BRINP1: variants seen among roughly 807,000 people sequenced by gnomAD.
BRINP1 encodes BMP/retinoic acid-inducible neural-specific protein 1.
BRINP1 carries 17 observed loss-of-function variants against 72.9 expected under a neutral mutation model. The observed-to-expected ratio is 0.23, with a 90% CI of 0.16 to 0.35. The LOEUF is 0.35. Among genes scored for constraint, BRINP1 ranks in the 10% least tolerant of loss-of-function variants. The probability of loss-of-function intolerance (pLI) is 1.00; values close to 1 mark genes in which losing one functional copy is unlikely to be tolerated. For missense variants in BRINP1, 850 were observed against 1,001.6 expected (o/e 0.85, Z 2.04); for synonymous variants, 418 against 378.5 (o/e 1.10, Z -1.21).
chr9:119,183,907 G>A (rs914420232), intron 7 of BRINP1, among the ~76,000 whole-genome samples: 15 of 152,110 alleles, frequency 9.9e-5, no homozygotes, highest in African/African-American at 3.1e-4. Flanking sequence ...TCACCCATGC[G>A]TGAGTTTGTT....
chr9:119,279,948 G>A (rs905903914), intron 2 of BRINP1, among the ~76,000 whole-genome samples: 3 of 151,888 alleles, frequency 2.0e-5, no homozygotes, highest in Non-Finnish European at 2.9e-5. Flanking sequence ...AACCTCCTGG[G>A]AATCTATCCT....
chr9:119,344,837 G>A (rs541957974), intron 1 of BRINP1, among the ~76,000 whole-genome samples: 1 of 152,158 alleles, frequency 6.6e-6, no homozygotes, highest in East Asian at 1.9e-4. Flanking sequence ...TTTTAACGTA[G>A]CCCCTGCAGT....
intron 5 of BRINP1, among the ~76,000 whole-genome samples, chr9:119,218,862 C>T (rs1224866854): frequency 5.3e-5 from 8 of 151,096 alleles, no homozygotes; most frequent in African/African-American, 1.2e-4. Flanking sequence ...TGCATGTTTG[C>T]GCTCCCTGTC....
chr9:119,175,119 T>TAAA (rs35857917), intron 7 of BRINP1, among the ~76,000 whole-genome samples: 1 of 62,672 alleles, frequency 1.6e-5, no homozygotes, highest in Non-Finnish European at 3.7e-5. Context: ...AAGTAAAGTA[T>TAAA]AAAAAAAAAA....
intron 4 of BRINP1, among the ~76,000 whole-genome samples, chr9:119,240,891 T>G (rs116818209): frequency 2.0e-5 from 3 of 152,312 alleles, no homozygotes; most frequent in African/African-American, 7.2e-5. Context: ...GCATTTTCTT[T>G]AGAAGAAATT....
chr9:119,205,469 G>A lies in BRINP1; in HGVS notation c.1145+3250C>T, dbSNP rs565665705. On this transcript the variant is annotated intron_variant, in intron 7 of 7. Coordinates refer to ENST00000265922, the MANE Select transcript of BRINP1 (RefSeq NM_014618.3). ...GCATTTTTAGCTATTTACACCTGAC[G>A]ACTTGCAGAAGGAGAGCAGAGACTT... Among the ~76,000 whole-genome samples the A allele has an allele frequency of 3.3e-5, 5 of 152,222 alleles. No individual in the cohort carries two copies. The South Asian group carries it at 6.2e-4, about 19-fold the overall frequency.
At chr9:119,240,798 T>C (rs1830239314) in intron 4 of BRINP1, among the ~76,000 whole-genome samples, 1 of 152,202 alleles carries the variant, frequency 6.6e-6, no homozygotes, top group Admixed American at 6.5e-5. Flanking sequence ...TCTGCCAGCC[T>C]TGGCAGGGTA....
chr9:119,334,626 A>G (rs1385612945), intron 1 of BRINP1, among the ~76,000 whole-genome samples: 1 of 152,176 alleles, frequency 6.6e-6, no homozygotes, highest in Non-Finnish European at 1.5e-5. Context: ...GGCAACTGAT[A>G]TCCCTAAATC....
intron 1 of BRINP1, among the ~76,000 whole-genome samples, chr9:119,348,688 T>C (rs1203270682): frequency 6.6e-6 from 1 of 152,154 alleles, no homozygotes; most frequent in African/African-American, 2.4e-5. Context: ...CCTGATCCCA[T>C]AGGAAGAGGA....
chr9:119,364,632 A>C (rs144988696), intron 1 of BRINP1, among the ~76,000 whole-genome samples: 129 of 152,320 alleles, frequency 8.5e-4, no homozygotes, highest in African/African-American at 3.1e-3. Flanking sequence ...ATGACGTAAG[A>C]AGGAAGACAG....
At chr9:119,195,169 G>T (rs142884841) in intron 7 of BRINP1, among the ~76,000 whole-genome samples, 1 of 152,066 alleles carries the variant, frequency 6.6e-6, no homozygotes, top group Non-Finnish European at 1.5e-5. Context: ...CTATCTTCTA[G>T]ATCTTGAGCT....
At chr9:119,366,637 G>A (rs997768802) in intron 1 of BRINP1, among the ~76,000 whole-genome samples, 7 of 151,284 alleles carry the variant, frequency 4.6e-5, no homozygotes, top group Admixed American at 6.6e-5. Flanking sequence ...ACCCTGAAAT[G>A]CATCTCTGAA....
intron 7 of BRINP1, among the ~76,000 whole-genome samples, chr9:119,175,087 T>G (rs1296385469): frequency 7.5e-6 from 1 of 132,680 alleles, no homozygotes; most frequent in Admixed American, 8.2e-5. Flanking sequence ...CTGCACAATG[T>G]GCACATGTAC....
intron 7 of BRINP1, among the ~76,000 whole-genome samples, chr9:119,172,697 A>G (rs1379132724): frequency 6.6e-6 from 1 of 151,920 alleles, no homozygotes; most frequent in East Asian, 1.9e-4. Flanking sequence ...ATTTTAGACC[A>G]ATATCCTTGA....
chr9:119,314,836 C>T (rs10984477), intron 1 of BRINP1, among the ~76,000 whole-genome samples: 38,699 of 152,036 alleles, frequency 0.25, 5,907 homozygotes, highest in Non-Finnish European at 0.33. Context: ...GACAATTAAA[C>T]GACATAATTG....
chr9:119,167,798 C>T lies in BRINP1; in HGVS notation c.1572G>A (p.Met524Ile). 2 of 1,613,982 alleles carry T rather than the reference C, an allele frequency of 1.2e-6. No homozygotes were observed. Among genetic ancestry groups the T allele is most frequent in the African/African-American group, 1.3e-5 (1 of 74,986 alleles). The change falls in exon 8 of 8, where the codon ATG becomes ATA. Residue 524 changes from methionine (M) to isoleucine (I), a missense_variant. Transcript: ENST00000265922. This position sits in a 1 kb window ranked among gnomAD's most constrained non-coding sequence, Gnocchi z 4.3. ...TFFDPRWRKR[M>I]SLTLKSNKNR... is the part of the protein sequence containing the mutation. Reference sequence around the variant, plus strand: ...TCTTGTTGCTCTTGAGAGTGAGGGACATGCGCTTGCGCCACCGAGGGTCAA... The same window carrying T: ...TCTTGTTGCTCTTGAGAGTGAGGGATATGCGCTTGCGCCACCGAGGGTCAA...
chr9:119,178,693 T>C (rs1184780759), intron 7 of BRINP1, among the ~76,000 whole-genome samples: 9 of 152,090 alleles, frequency 5.9e-5, no homozygotes, highest in Non-Finnish European at 1.0e-4. Flanking sequence ...TGAAACCACC[T>C]CCATGTTACA....
chr9:119,215,382 G>A (rs890640577), intron 5 of BRINP1, among the ~76,000 whole-genome samples: 2 of 152,194 alleles, frequency 1.3e-5, no homozygotes, highest in Non-Finnish European at 2.9e-5. Context: ...GACAGATCTG[G>A]GCTAACTTAA....
chr9:119,231,460 A>G (rs1830148286), intron 5 of BRINP1, among the ~76,000 whole-genome samples: 1 of 152,104 alleles, frequency 6.6e-6, no homozygotes, highest in Non-Finnish European at 1.5e-5. Context: ...CTTCTATATT[A>G]AAAAGAAAAG....
Sources: allele counts gnomAD v4.1 joint callset (sites outside exome capture counted in the v4.1 genomes callset), GRCh38; gene constraint gnomAD v4.1.1; non-coding constraint Gnocchi (gnomAD v3.1); transcripts MANE v1.5; gene names NCBI Gene and HGNC (gene_info 2026-07-23, HGNC 2026-07-21).